TRIM69: variants seen among roughly 807,000 people sequenced by gnomAD.
TRIM69 encodes the protein E3 ubiquitin-protein ligase TRIM69.
A neutral mutation model predicts 37.7 loss-of-function variants in TRIM69; 29 were observed. The ratio of observed to expected loss-of-function variants is 0.77; its 90% CI spans 0.57 to 1.05. TRIM69 has a LOEUF of 1.05. Ranked by LOEUF, TRIM69 falls within the 50% of genes least tolerant of loss-of-function variation. The pLI is 0.00. For synonymous variants in TRIM69, 209 were observed against 212.4 expected (o/e 0.98, Z 0.14); for missense variants, 596 against 579.9 (o/e 1.03, Z -0.28).
Position 44,767,535 on chromosome 15 carries a change from T to C in TRIM69, c.1266T>C (p.Thr422=). 1 of 1,614,204 alleles carries C rather than the reference T, an allele frequency of 6.2e-7. No individual in the cohort carries two copies. Among genetic ancestry groups the C allele is most frequent in the Non-Finnish European group, 8.5e-7 (1 of 1,180,030 alleles). Residue 422 remains threonine (T), a synonymous_variant, in exon 7 of 7, where the codon ACT becomes ACC. Transcript: ENST00000329464. The stretch of plus-strand genomic sequence containing the variant: ...GGCTTTTAAGACTAAGGAACCAAAC[T>C]GATCTAAAGGCTCTGGATTTGCCTT... ...GFWLLRLRNQ[T]DLKALDLPSF...
chr15:44,745,218 T>C (rs28759982), intron 1 of TRIM69, among the ~76,000 whole-genome samples: 8,251 of 152,030 alleles, frequency 0.054, 239 homozygotes, highest in Non-Finnish European at 0.061. Flanking sequence ...TTACAAAGAC[T>C]GGGAGGTTTT....
At chr15:44,753,657 T>C (rs1224786052) in intron 1 of TRIM69, 2 of 152,176 alleles carry the variant, frequency 1.3e-5, no homozygotes, top group South Asian at 4.1e-4. Flanking sequence ...TTGGAGTTTG[T>C]TGAGCTTCTT....
chr15:44,758,270 C>T, intron 3 of TRIM69: 1 of 279,742 alleles, frequency 3.6e-6, no homozygotes, highest in Non-Finnish European at 6.8e-6. Flanking sequence ...TCTAACAGTA[C>T]CACTTGGCAG....
intron 1 of TRIM69, among the ~76,000 whole-genome samples, chr15:44,738,415 TA>T (rs2141303885): frequency 6.6e-6 from 1 of 152,202 alleles, no homozygotes; most frequent in Admixed American, 6.5e-5. Context: ...GCCAGGGCTT[TA>T]TAAGGATGAA....
In TRIM69 at chr15:44,767,592, C is replaced by T. The variant is rs145844765; in HGVS notation, c.1323C>T (p.Asp441=). ...GTCTGACACTGACTAACAACCTCGA[C>T]AAGGTGGGCATATACCTGGATTATG... ...SFSLTLTNNL[D]KVGIYLDYEG... is the part of the protein sequence containing the mutation. The change falls in exon 7 of 7, where the codon GAC becomes GAT. Residue 441 remains aspartate, a synonymous_variant. Coordinates refer to ENST00000329464, the MANE Select transcript of TRIM69 (RefSeq NM_182985.5). 90 of 1,614,080 alleles carry T rather than the reference C, an allele frequency of 5.6e-5. No individual in the cohort carries two copies. The African/African-American group carries it at 1.1e-3, about 20-fold the overall frequency.
intron 1 of TRIM69, among the ~76,000 whole-genome samples, chr15:44,743,683 T>C (rs1362338445): frequency 6.6e-6 from 1 of 152,224 alleles, no homozygotes; most frequent in African/African-American, 2.4e-5. Flanking sequence ...AAGACATTTA[T>C]GCAGCCAAAA....
chr15:44,750,381 T>C (rs1286839009), intron 1 of TRIM69, among the ~76,000 whole-genome samples: 1 of 152,152 alleles, frequency 6.6e-6, no homozygotes, highest in Non-Finnish European at 1.5e-5. Flanking sequence ...TCCTGGGCTT[T>C]TCTTTGTTGG....
chr15:44,743,127 A>G (rs2087328134), intron 1 of TRIM69, among the ~76,000 whole-genome samples: 1 of 152,200 alleles, frequency 6.6e-6, no homozygotes, highest in African/African-American at 2.4e-5. Context: ...ATAGAGATCA[A>G]TGGAACAGAA....
At chr15:44,750,462 T>G (rs2087494854) in intron 1 of TRIM69, among the ~76,000 whole-genome samples, 1 of 152,152 alleles carries the variant, frequency 6.6e-6, no homozygotes, top group African/African-American at 2.4e-5. Context: ...TCTTCTTGAG[T>G]CAGTTTTGGT....
chr15:44,763,871 G>A lies in TRIM69; in HGVS notation c.962-3360G>A, dbSNP rs866546964. The stretch of plus-strand genomic sequence containing the variant: ...GGGCTAACTTAGCCCATTTTCTAAA[G>A]TAATATACCCTTCTGATTACCCTAC... On this transcript the variant is annotated intron_variant, in intron 6 of 6. Coordinates refer to ENST00000329464, the MANE Select transcript of TRIM69 (RefSeq NM_182985.5). Among the ~76,000 whole-genome samples, 40 of 152,252 alleles carry A rather than the reference G, an allele frequency of 2.6e-4. 1 individual carries two copies. Among genetic ancestry groups the A allele is most frequent in the Middle Eastern group, 6.8e-3 (2 of 294 alleles).
chr15:44,756,292 G>T lies in TRIM69; in HGVS notation c.484-76G>T, dbSNP rs184725784. On this transcript the variant is annotated intron_variant, in intron 2 of 6. Coordinates refer to ENST00000329464, the MANE Select transcript of TRIM69 (RefSeq NM_182985.5). ...GAGCTTGCTTTTTTCTTGCACACTG[G>T]GGCCTTGGGGAAGATGTCCTTTATG... The T allele has an allele frequency of 1.5e-5, 15 of 1,002,810 alleles. No homozygotes were observed. The African/African-American group carries it at 2.3e-4, about 15-fold the overall frequency. The allele number at this position is 1,002,810 out of a possible 1,614,324, so 62.1% of individuals were successfully genotyped here.
chr15:44,761,954 C>T (rs1056011172), intron 6 of TRIM69, among the ~76,000 whole-genome samples: 17 of 151,902 alleles, frequency 1.1e-4, no homozygotes, highest in Non-Finnish European at 1.8e-4. Flanking sequence ...CATGGCTTGC[C>T]TTTTCAATTT....
intron 6 of TRIM69, among the ~76,000 whole-genome samples, chr15:44,765,865 A>G (rs1331275082): frequency 6.6e-6 from 1 of 152,242 alleles, no homozygotes; most frequent in Non-Finnish European, 1.5e-5. Flanking sequence ...ATGCATGCAT[A>G]CATGTATCTG....
At chr15:44,752,878 G>T (rs1028914886) in intron 1 of TRIM69, 6 of 152,034 alleles carry the variant, frequency 3.9e-5, no homozygotes, top group African/African-American at 1.4e-4. Context: ...ATAGTACAAA[G>T]CAAAAAATTT....
In TRIM69 at chr15:44,741,028, A is replaced by C. The variant is rs2087272003; in HGVS notation, c.6+4318A>C. ...CAGAATATACATTTTTTTCAGCACC[A>C]CACCACACCTATTCCAAAATTGACC... On this transcript the variant is annotated intron_variant, in intron 1 of 6. Transcript: ENST00000329464. Among the ~76,000 whole-genome samples the C allele has an allele frequency of 9.3e-5, 14 of 150,956 alleles. No homozygotes were observed. In the South Asian group the frequency reaches 2.9e-3, roughly 32 times the overall value.
intron 2 of TRIM69, 100 bp downstream of exon 2, chr15:44,755,476 A>G: frequency 3.3e-6 from 3 of 902,184 alleles, no homozygotes; most frequent in South Asian, 3.3e-5. Flanking sequence ...TATTCAAATG[A>G]TGATTAGAAA....
Position 44,756,470 on chromosome 15 carries a change from A to C in TRIM69, c.579+7A>C. ...AGCTATTGCTGCTCACAAGGTGAGG[A>C]GCAAGAAAGAGGGGTTATGAGATAG... On this transcript the variant is annotated splice_region_variant and intron_variant, in intron 3 of 6. Transcript: ENST00000329464. 6.5e-7 allele frequency: 1 copy of C among 1,540,678 alleles called. No homozygotes were observed. Among genetic ancestry groups the C allele is most frequent in the South Asian group, 1.2e-5 (1 of 83,816 alleles).
At position 44,767,351 on chromosome 15, in the gene TRIM69, T is replaced by C; in HGVS notation, c.1082T>C (p.Phe361Ser). Residue 361 changes from phenylalanine to serine, a missense_variant, in exon 7 of 7, where the codon TTT (phenylalanine) becomes TCT (serine). Physicochemically the swap from Phe to Ser is radical, Grantham distance 155. Coordinates refer to ENST00000329464, the MANE Select transcript of TRIM69 (RefSeq NM_182985.5). The part of the protein sequence containing the change: ...KKIMPDDPER[F>S]DSSVAVLGSR... ...ATAATGCCTGATGATCCTGAGAGGT[T>C]TGACTCAAGTGTGGCTGTACTGGGC... 6.2e-7 allele frequency: 1 copy of C among 1,614,082 alleles called. No homozygotes were observed. The highest frequency in any genetic ancestry group is 8.5e-7 in the Non-Finnish European group (1 of 1,180,010).
At chr15:44,756,762 CAAAA>C (rs3837719) in intron 3 of TRIM69, 33 of 211,206 alleles carry the variant, frequency 1.6e-4, no homozygotes, top group South Asian at 3.7e-4. Context: ...TTATCTATGG[CAAAA>C]AAAAAAAAGG....
Sources: allele counts gnomAD v4.1 joint callset (sites outside exome capture counted in the v4.1 genomes callset), GRCh38; gene constraint gnomAD v4.1.1; transcripts MANE v1.5; gene names NCBI Gene and HGNC (gene_info 2026-07-23, HGNC 2026-07-21).